CSPP1: variants seen among roughly 807,000 people sequenced by gnomAD.
The protein encoded by CSPP1 is centrosome and spindle pole associated protein 1.
CSPP1 carries 126 observed loss-of-function variants against 164.4 expected under a neutral mutation model. The ratio of observed to expected loss-of-function variants is 0.77; its 90% CI spans 0.66 to 0.89. The LOEUF (loss-of-function observed/expected upper bound fraction) is 0.89. Among genes scored for constraint, CSPP1 ranks in the 40% least tolerant of loss-of-function variants. The pLI, the probability that CSPP1 is intolerant of heterozygous loss-of-function variation, is 0.00. For synonymous variants in CSPP1, 472 were observed against 476.7 expected (o/e 0.99, Z 0.13); for missense variants, 1,395 against 1,449.8 (o/e 0.96, Z 0.61).
At chr8:67,132,382 A>G (rs1395618091) in intron 16 of CSPP1, among the ~76,000 whole-genome samples, 1 of 152,096 alleles carries the variant, frequency 6.6e-6, no homozygotes, top group Non-Finnish European at 1.5e-5. Flanking sequence ...GGGGCTGGAG[A>G]GTTAGTTAGG....
At chr8:67,088,174 G>GT (rs1397501139) in intron 4 of CSPP1, among the ~76,000 whole-genome samples, 2 of 151,984 alleles carry the variant, frequency 1.3e-5, no homozygotes, top group Non-Finnish European at 2.9e-5. Flanking sequence ...TACTCCCTAG[G>GT]TAAGATTTTT....
At chr8:67,067,677 A>G (rs1805862290) in intron 1 of CSPP1, among the ~76,000 whole-genome samples, 1 of 151,214 alleles carries the variant, frequency 6.6e-6, no homozygotes, top group South Asian at 2.1e-4. Flanking sequence ...GTTAGCCAGG[A>G]TGGTCTTGAT....
rs758344561 is a variant in CSPP1 at position 67,190,772 on chromosome 8, CT to C, written c.3330+17del. 9 of 1,551,610 alleles carry C rather than the reference CT, an allele frequency of 5.8e-6. No homozygotes were observed. Among genetic ancestry groups the C allele is most frequent in the South Asian group, 1.1e-5 (1 of 89,780 alleles). On this transcript the variant is annotated intron_variant, in intron 29 of 30. Transcript: ENST00000678616. ...AGGACTAGACATTGTATGTATGAGA[CT>C]TTTCTCCCCCTTTTCAACTTAGAAG... is the stretch of plus-strand genomic sequence containing the variant.
At chr8:67,136,309 C>T (rs1205027694) in intron 16 of CSPP1, among the ~76,000 whole-genome samples, 2 of 152,002 alleles carry the variant, frequency 1.3e-5, no homozygotes, top group African/African-American at 2.4e-5. Flanking sequence ...TGGTGGCTCA[C>T]GCCTGTAATC....
chr8:67,122,719 G>A (rs1304438901), intron 15 of CSPP1, among the ~76,000 whole-genome samples: 1 of 152,060 alleles, frequency 6.6e-6, no homozygotes, highest in Non-Finnish European at 1.5e-5. Flanking sequence ...GTTGGTGAGT[G>A]TATTATTCTA....
chr8:67,103,245 CCTT>C (rs1814535475), intron 8 of CSPP1, 110 bp downstream of exon 8: 1 of 623,322 alleles, frequency 1.6e-6, no homozygotes, highest in Non-Finnish European at 2.8e-6. Flanking sequence ...TAACAGCCTT[CCTT>C]CTTAGTGAGA....
rs1261027822 is a variant in CSPP1 at position 67,064,473 on chromosome 8, C to T, written c.-76C>T. On this transcript the variant is annotated 5_prime_UTR_variant, in exon 1 of 31. Transcript: ENST00000678616. The stretch of plus-strand genomic sequence containing the variant: ...ATCCTCTAGAGCACTGTGTGTCTCC[C>T]CGGACGCGAGCCCGCTCCCCTGAGT... 1.9e-6 allele frequency: 3 copies of T among 1,613,806 alleles called. No individual in the cohort carries two copies. The highest frequency in any genetic ancestry group is 2.5e-6 in the Non-Finnish European group (3 of 1,179,926).
intron 13 of CSPP1, 119 bp downstream of exon 13, chr8:67,116,241 T>A (rs1383660526): frequency 1.5e-6 from 1 of 678,160 alleles, no homozygotes; most frequent in Non-Finnish European, 2.5e-6. Flanking sequence ...AGTTAACAGT[T>A]TTGTGAAATA....
At chr8:67,115,446 G>A (rs762265957) in intron 12 of CSPP1, among the ~76,000 whole-genome samples, 15 of 152,110 alleles carry the variant, frequency 9.9e-5, no homozygotes, top group African/African-American at 3.4e-4. Context: ...CTGGGAGGCC[G>A]AGGTGGTCGG....
At chr8:67,072,869 CAAAAAAA>C (rs58087584) in intron 1 of CSPP1, among the ~76,000 whole-genome samples, 14 of 59,284 alleles carry the variant, frequency 2.4e-4, no homozygotes, top group Non-Finnish European at 4.3e-4. Context: ...GAGCCTGTCT[CAAAAAAA>C]AAAAAAAAAA....
chr8:67,135,035 C>T (rs1474071769), intron 16 of CSPP1: 3 of 152,212 alleles, frequency 2.0e-5, no homozygotes, highest in Non-Finnish European at 4.4e-5. Flanking sequence ...TCTTTTAATA[C>T]AAGGCTGTTT....
intron 25 of CSPP1, chr8:67,174,658 G>A (rs1586737391): frequency 6.6e-6 from 1 of 152,396 alleles, no homozygotes; most frequent in East Asian, 1.9e-4. Flanking sequence ...CCAGCTACTT[G>A]GGAGACTGAG....
chr8:67,159,966 CTT>C lies in CSPP1; in HGVS notation c.2538+832_2538+833del, dbSNP rs771218078. Among the ~76,000 whole-genome samples the C allele has an allele frequency of 5.8e-4, 24 of 41,328 alleles. 1 individual carries two copies. The highest frequency in any genetic ancestry group is 1.5e-3 in the African/African-American group (9 of 5,852). 27.1% of individuals were successfully genotyped at this position (41,328 alleles called of 152,430 possible). On this transcript the variant is annotated intron_variant, in intron 21 of 30. Transcript: ENST00000678616. ...CCTTCCTTCCTTCCTTCTTTCTTTT[CTT>C]TTCTTTTCTTTTCTTTTCTTTTCTT...
At chr8:67,111,781 C>T (rs901348495) in intron 9 of CSPP1, among the ~76,000 whole-genome samples, 191 bp from the exon 10 acceptor site, 6 of 151,980 alleles carry the variant, frequency 3.9e-5, no homozygotes, top group African/African-American at 1.2e-4. Context: ...TTGTGTTTGA[C>T]GCATAGTAGG....
intron 28 of CSPP1, among the ~76,000 whole-genome samples, chr8:67,184,986 TC>T (rs1187691844): frequency 2.1e-5 from 3 of 140,648 alleles, no homozygotes; most frequent in African/African-American, 7.8e-5. Context: ...CACCTATAAG[TC>T]CCAGCTGCTC....
chr8:67,086,832 C>G (rs1208313390), intron 4 of CSPP1: 4 of 1,360,030 alleles, frequency 2.9e-6, no homozygotes, highest in Non-Finnish European at 3.0e-6. Context: ...GGGCATTACA[C>G]AAGGGAAAAG....
At chr8:67,066,921 A>G (rs183138035) in intron 1 of CSPP1, among the ~76,000 whole-genome samples, 166 of 152,006 alleles carry the variant, frequency 1.1e-3, no homozygotes, top group Non-Finnish European at 2.1e-3. Flanking sequence ...ACACCCAGCT[A>G]ATTTTTTTAT....
intron 2 of CSPP1, 43 bp from the exon 3 acceptor site, chr8:67,076,437 GTT>G: frequency 2.9e-6 from 3 of 1,045,372 alleles, no homozygotes; most frequent in Non-Finnish European, 4.1e-6. Flanking sequence ...ATATTTCATG[GTT>G]TTTTTTTTCC....
At chr8:67,163,215 TGTTGAGAAGTGAATGAGAGTAGGCA>T (rs1307669666) in intron 22 of CSPP1, among the ~76,000 whole-genome samples, 7 of 152,060 alleles carry the variant, frequency 4.6e-5, no homozygotes, top group African/African-American at 1.2e-4. Flanking sequence ...CATAGCTGTG[TGTTGAGAAGTGAATGAGAGTAGGCA>T]GTAGACCCAA....
Sources: allele counts gnomAD v4.1 joint callset (sites outside exome capture counted in the v4.1 genomes callset), GRCh38; gene constraint gnomAD v4.1.1; transcripts MANE v1.5; gene names NCBI Gene and HGNC (gene_info 2026-07-23, HGNC 2026-07-21).